COL28A1: variants seen among roughly 807,000 people sequenced by gnomAD.
COL28A1 encodes collagen type XXVIII alpha 1 chain.
A neutral mutation model predicts 150.2 loss-of-function variants in COL28A1; 161 were observed. That is an observed-to-expected ratio of 1.07 (90% confidence interval 0.94 to 1.22). The LOEUF is 1.22. Ranked by LOEUF, COL28A1 falls within the 50% of genes most tolerant of loss-of-function variation. The probability of loss-of-function intolerance (pLI) is 0.00; values close to 1 mark genes in which losing one functional copy is unlikely to be tolerated. For synonymous variants in COL28A1, 552 were observed against 469.7 expected, an observed-to-expected ratio of 1.18 and a Z score of -2.26; for missense variants, 1,617 against 1,388.3, an observed-to-expected ratio of 1.16 and a Z score of -2.62.
Position 7,444,484 on chromosome 7 carries a change from C to T in COL28A1, c.1515G>A (p.Glu505=), listed in dbSNP as rs778601651. 21 of 1,613,726 alleles carry T rather than the reference C, an allele frequency of 1.3e-5. No homozygotes were observed. Residue 505 remains glutamate (E), a synonymous_variant, in exon 19 of 35, where the codon GAG becomes GAA. Coordinates refer to ENST00000399429, the MANE Select transcript of COL28A1 (RefSeq NM_001037763.3). ...VGIGVQGPKG[E]PGSIGLPGQP... is the part of the protein sequence containing the mutation. The stretch of plus-strand genomic sequence containing the variant: ...GTCCTGGGAGCCCTATTGAGCCTGG[C>T]TCTCCCTGGTGAATGAACAAATATT...
At chr7:7,540,071 TAAATC>T (rs1341974413), upstream of COL28A1, among the ~76,000 whole-genome samples, 16 of 151,186 alleles carry the variant, frequency 1.1e-4, no homozygotes, top group East Asian at 2.9e-3. Context: ...AGACCAAAAA[TAAATC>T]AAGGTGCCAT....
chr7:7,514,159 T>C (rs1320504040), intron 8 of COL28A1, among the ~76,000 whole-genome samples: 1 of 150,638 alleles, frequency 6.6e-6, no homozygotes, highest in Non-Finnish European at 1.5e-5. Context: ...TACCTCACTA[T>C]ATAAATCAAA....
chr7:7,526,246 AT>A (rs945589633), intron 3 of COL28A1, among the ~76,000 whole-genome samples: 2 of 152,220 alleles, frequency 1.3e-5, no homozygotes, highest in African/African-American at 4.8e-5. Context: ...TTCAGCATTC[AT>A]TGTTTTTTGT....
intron 23 of COL28A1, 45 bp from the exon 24 acceptor site, chr7:7,432,745 A>C (rs976530929): frequency 6.8e-7 from 1 of 1,478,804 alleles, no homozygotes; most frequent in Non-Finnish European, 9.4e-7. Context: ...CTCAACTAGA[A>C]AACACCTGGT....
In COL28A1 at chr7:7,460,895, G is replaced by A. The variant is rs149848420; in HGVS notation, c.1303-4783C>T. Reference sequence around the variant, plus strand: ...GCATATACTAGATTTGGAGATCATCGTGGACAGGAGGCAGGACTAGATCGC... The same window carrying A: ...GCATATACTAGATTTGGAGATCATCATGGACAGGAGGCAGGACTAGATCGC... On this transcript the variant is annotated intron_variant, in intron 15 of 34. Transcript: ENST00000399429. Among the ~76,000 whole-genome samples the A allele has an allele frequency of 5.7e-3, 868 of 152,182 alleles. 5 individuals carry two copies. The highest frequency in any genetic ancestry group is 0.022 in the East Asian group (115 of 5,162).
At chr7:7,540,879 G>C in the COL28A1 span, among the ~76,000 whole-genome samples, 3 of 152,248 alleles carry the variant, frequency 2.0e-5, no homozygotes, top group East Asian at 5.8e-4. Flanking sequence ...TATCTGAGTA[G>C]CTGGGGATTG....
rs146560754 is a variant in COL28A1, at chr7:7,380,805, C to A, written c.2263G>T (p.Glu755Ter). ...GCCTGTTTTCCTGGAGATCCAGGCTCTCCAATTTCTCCTTTATCACCTTTC... is the reference window on the plus strand; with the variant it reads ...GCCTGTTTTCCTGGAGATCCAGGCTATCCAATTTCTCCTTTATCACCTTTC... The part of the protein sequence containing the change: ...GKKGDKGEIG[E>*]PGSPGKQGLQ... The change falls in exon 29 of 35, where the codon GAG becomes TAG. Residue 755 changes from glutamate (E) to a stop codon, truncating the protein, a stop_gained. Transcript: ENST00000399429. LOFTEE classifies it high-confidence loss of function. The A allele has an allele frequency of 8.8e-4, 1,420 of 1,613,896 alleles. 10 individuals carry two copies. The Admixed American group carries it at 0.021, about 23-fold the overall frequency.
rs1562934472 is a variant in COL28A1, at chr7:7,532,832, GC to G, written c.43del (p.Ala15ArgfsTer33). On this transcript the variant is annotated frameshift_variant, in exon 2 of 35. Transcript: ENST00000399429. LOFTEE classifies it high-confidence loss of function. ...YFVFYLLLLS[A>X]FTSQTVSGQR... The stretch of plus-strand genomic sequence containing the variant: ...TCCGGATACTGTTTGACTCGTAAAC[GC>G]TGACAAAAGCAGGAGATAGAAGACA... The G allele has an allele frequency of 6.2e-7, 1 of 1,611,480 alleles. No individual in the cohort carries two copies. The highest frequency in any genetic ancestry group is 8.5e-7 in the Non-Finnish European group (1 of 1,179,040).
At chr7:7,415,669 G>C (rs898162971) in intron 27 of COL28A1, among the ~76,000 whole-genome samples, 3 of 152,186 alleles carry the variant, frequency 2.0e-5, no homozygotes, top group African/African-American at 4.8e-5. Flanking sequence ...GAGTAGCTGA[G>C]ATTACAGGTA....
chr7:7,518,198 C>T (rs1047950828), intron 6 of COL28A1, among the ~76,000 whole-genome samples: 1 of 152,088 alleles, frequency 6.6e-6, no homozygotes, highest in South Asian at 2.1e-4. Context: ...TCCAAAATGT[C>T]CTCAAGAGTG....
chr7:7,391,041 G>T (rs1762406464), intron 27 of COL28A1, among the ~76,000 whole-genome samples: 1 of 152,006 alleles, frequency 6.6e-6, no homozygotes, highest in South Asian at 2.1e-4. Context: ...GTTTGGTCTT[G>T]TTTCTCTAGT....
intron 11 of COL28A1, among the ~76,000 whole-genome samples, chr7:7,505,219 C>T (rs1780745424): frequency 6.6e-6 from 1 of 152,190 alleles, no homozygotes; most frequent in African/African-American, 2.4e-5. Context: ...AGTTTAATAT[C>T]ACCCTTAAAA....
At chr7:7,393,734 G>A (rs550609706) in intron 27 of COL28A1, among the ~76,000 whole-genome samples, 26 of 152,242 alleles carry the variant, frequency 1.7e-4, no homozygotes, top group Middle Eastern at 3.4e-3. Context: ...GGACTTCCCC[G>A]CAACTTTCTT....
intron 27 of COL28A1, among the ~76,000 whole-genome samples, chr7:7,400,107 C>T (rs913623372): frequency 6.6e-6 from 1 of 152,210 alleles, no homozygotes; most frequent in African/African-American, 2.4e-5. Flanking sequence ...GACCCAGAAG[C>T]AGTGAAAGGG....
At chr7:7,411,006 G>A (rs1282280737) in intron 27 of COL28A1, among the ~76,000 whole-genome samples, 1 of 152,132 alleles carries the variant, frequency 6.6e-6, no homozygotes, top group Non-Finnish European at 1.5e-5. Flanking sequence ...CACAAATCTA[G>A]TCAAGTGGAT....
chr7:7,394,195 CT>C (rs1023252759), intron 27 of COL28A1, among the ~76,000 whole-genome samples: 1 of 152,158 alleles, frequency 6.6e-6, no homozygotes, highest in African/African-American at 2.4e-5. Flanking sequence ...AGGGAGTTCC[CT>C]GACCCCTTGT....
intron 27 of COL28A1, among the ~76,000 whole-genome samples, chr7:7,400,975 G>GGTGTGTGT (rs60064708): frequency 0.067 from 7,940 of 118,866 alleles, 401 homozygotes; most frequent in Middle Eastern, 0.1. Flanking sequence ...TGGGTATTTG[G>GGTGTGTGT]GTGTGTGTGT....
At chr7:7,375,184 G>A (rs753458483) in intron 31 of COL28A1, among the ~76,000 whole-genome samples, 4 of 152,116 alleles carry the variant, frequency 2.6e-5, no homozygotes, top group Non-Finnish European at 5.9e-5. Flanking sequence ...GAATACAAAC[G>A]AGCACTGTGC....
chr7:7,413,799 C>T (rs1455752923), intron 27 of COL28A1, among the ~76,000 whole-genome samples: 1 of 152,152 alleles, frequency 6.6e-6, no homozygotes, highest in East Asian at 1.9e-4. Flanking sequence ...CAGTCATATT[C>T]AAGCCTACAG....
Sources: gnomAD v4.1 joint callset for allele counts (sites outside exome capture counted in the v4.1 genomes callset) on GRCh38, gnomAD v4.1.1 for gene constraint, MANE v1.5 for transcripts, NCBI Gene and HGNC (gene_info 2026-07-23, HGNC 2026-07-21) for gene names.